Variants in CRIM1 observed in about 807,000 individuals in gnomAD.
CRIM1 encodes cysteine rich transmembrane BMP regulator 1, also known as cysteine-rich motor neuron 1 protein.
A neutral mutation model predicts 116.4 loss-of-function variants in CRIM1; 32 were observed. The observed-to-expected ratio is 0.27, with a 90% CI of 0.21 to 0.37. The LOEUF (loss-of-function observed/expected upper bound fraction) is 0.37. Among genes scored for constraint, CRIM1 ranks in the 10% least tolerant of loss-of-function variants. The pLI is 1.00. For missense variants in CRIM1, 1,331 were observed against 1,354.8 expected (o/e 0.98, Z 0.28); for synonymous variants, 590 against 509.2 (o/e 1.16, Z -2.13).
rs972083266 is a variant in CRIM1 at position 36,550,918 on chromosome 2, A to G, written c.*2217A>G. The G allele has an allele frequency of 6.6e-6, 1 of 152,610 alleles. No homozygotes were observed. The highest frequency in any genetic ancestry group is 1.5e-5 in the Non-Finnish European group (1 of 68,024). 9.5% of individuals were successfully genotyped at this position (152,610 alleles called of 1,614,324 possible). On this transcript the variant is annotated 3_prime_UTR_variant, in exon 17 of 17. Transcript: ENST00000280527. ...ATTTTTTTATTATTATTTTAAAGAT[A>G]TGATTTATCCTGAGTGCTGTATCTA... is the stretch of plus-strand genomic sequence containing the variant.
At chr2:36,530,777 C>T (rs2125150024) in intron 13 of CRIM1, among the ~76,000 whole-genome samples, 1 of 152,252 alleles carries the variant, frequency 6.6e-6, no homozygotes, top group Admixed American at 6.5e-5. Flanking sequence ...CTGTAAATCC[C>T]TCAAACCTCA....
At chr2:36,425,300 T>G (rs1038161035) in intron 2 of CRIM1, among the ~76,000 whole-genome samples, 4 of 152,212 alleles carry the variant, frequency 2.6e-5, no homozygotes, top group African/African-American at 9.6e-5. Context: ...ATATTGATAG[T>G]AAGCCCTCAA....
In CRIM1 at chr2:36,479,451, AT is replaced by A. The variant is rs758690824; in HGVS notation, c.1175-43del. On this transcript the variant is annotated intron_variant, in intron 6 of 16. Coordinates refer to ENST00000280527, the MANE Select transcript of CRIM1 (RefSeq NM_016441.3). ...GTCTCTGGGTACTGACAGAGATAAG[AT>A]TTAGAAGATGCTCAGTCTAACTCTG... is the stretch of plus-strand genomic sequence containing the variant. The A allele has an allele frequency of 1.3e-5, 21 of 1,586,754 alleles. No individual in the cohort carries two copies. In the Admixed American group the frequency reaches 3.5e-4, roughly 26 times the overall value.
In CRIM1 at chr2:36,356,041, G is replaced by GGGA. The variant is rs528109428; in HGVS notation, c.-231_-229dup. 2.7e-3 allele frequency: 417 copies of GGGA among 152,658 alleles called. 2 individuals carry two copies. Among genetic ancestry groups the GGGA allele is most frequent in the African/African-American group, 7.5e-3 (310 of 41,282 alleles). 9.5% of individuals were successfully genotyped at this position (152,658 alleles called of 1,614,324 possible). ...TTTTTCTTTTTTCCCCCTCCCTCCC[G>GGGA]GGAGGAGGAGGAGGAGGAGGAGGGG... is the stretch of plus-strand genomic sequence containing the variant. On this transcript the variant is annotated 5_prime_UTR_variant, in exon 1 of 17. Transcript: ENST00000280527. This position sits in a 1 kb window ranked among gnomAD's most constrained non-coding sequence, Gnocchi z 4.3.
At chr2:36,545,548 T>G (rs1667265451) in intron 15 of CRIM1, among the ~76,000 whole-genome samples, 1 of 152,182 alleles carries the variant, frequency 6.6e-6, no homozygotes, top group African/African-American at 2.4e-5. Flanking sequence ...AATGTATGCT[T>G]CTCCTAGGCA....
At chr2:36,411,720 C>T (rs971601578) in intron 2 of CRIM1, among the ~76,000 whole-genome samples, 23 of 151,412 alleles carry the variant, frequency 1.5e-4, no homozygotes, top group Admixed American at 1.3e-3. Context: ...GTGACAGTGC[C>T]GATAATAGTG....
intron 14 of CRIM1, among the ~76,000 whole-genome samples, chr2:36,538,067 C>T (rs769627458): frequency 1.4e-4 from 22 of 152,260 alleles, no homozygotes; most frequent in Non-Finnish European, 2.5e-4. Context: ...CTGAACTGCC[C>T]ATCTCTTTCC....
chr2:36,429,019 C>A (rs1674669007), intron 2 of CRIM1, among the ~76,000 whole-genome samples: 1 of 152,162 alleles, frequency 6.6e-6, no homozygotes, highest in Non-Finnish European at 1.5e-5. Flanking sequence ...TGCGCCTTCC[C>A]CTTCTACTTT....
intron 1 of CRIM1, among the ~76,000 whole-genome samples, chr2:36,362,404 C>T (rs1373990082): frequency 6.6e-6 from 1 of 152,150 alleles, no homozygotes; most frequent in Non-Finnish European, 1.5e-5. Context: ...CTCCTTAGAG[C>T]CTGTGCAATT....
chr2:36,375,684 A>T (rs913613750), intron 1 of CRIM1, among the ~76,000 whole-genome samples: 1 of 152,208 alleles, frequency 6.6e-6, no homozygotes, highest in East Asian at 1.9e-4. Context: ...AAGAGTACCT[A>T]TTTAGACTTT....
intron 4 of CRIM1, among the ~76,000 whole-genome samples, chr2:36,458,475 G>A (rs1332671311): frequency 1.3e-5 from 2 of 152,130 alleles, no homozygotes; most frequent in East Asian, 1.9e-4. Flanking sequence ...GTTATGTAGG[G>A]TCTGAAACAT....
At chr2:36,515,812 A>G (rs884215) in intron 11 of CRIM1, among the ~76,000 whole-genome samples, 55,737 of 152,136 alleles carry the variant, frequency 0.37, 10,709 homozygotes, top group East Asian at 0.55. Context: ...TCAGCATTTA[A>G]CAAGGCAGTA....
At chr2:36,360,621 C>G (rs1311709338) in intron 1 of CRIM1, among the ~76,000 whole-genome samples, 1 of 152,026 alleles carries the variant, frequency 6.6e-6, no homozygotes, top group Non-Finnish European at 1.5e-5. Flanking sequence ...TTTGCTTATC[C>G]CTGGAAGACA....
At position 36,356,912 on chromosome 2, in the gene CRIM1, G is replaced by C. The variant is rs1157256122; in HGVS notation, c.331+289G>C. On this transcript the variant is annotated intron_variant, in intron 1 of 16. Transcript: ENST00000280527. The surrounding 1 kb of genome is among the most constrained non-coding windows in gnomAD (Gnocchi z 4.3). ...GCGCACACGTGTGGCCGTTCCTGCT[G>C]GGACTGGGTGGCCCGGCCTTGCTCC... Among the ~76,000 whole-genome samples the C allele has an allele frequency of 6.6e-6, 1 of 152,126 alleles. No homozygotes were observed. The highest frequency in any genetic ancestry group is 1.5e-5 in the Non-Finnish European group (1 of 68,024).
chr2:36,357,588 C>T (rs908120825), intron 1 of CRIM1, among the ~76,000 whole-genome samples: 2 of 152,126 alleles, frequency 1.3e-5, no homozygotes, highest in Non-Finnish European at 2.9e-5. Context: ...GGTTTGGGGT[C>T]TAGAGCGAGG....
intron 5 of CRIM1, among the ~76,000 whole-genome samples, chr2:36,471,865 A>T (rs848554): frequency 6.6e-6 from 1 of 151,994 alleles, no homozygotes. Flanking sequence ...CAGTGTAAAC[A>T]TAACTTTTAA....
intron 14 of CRIM1, among the ~76,000 whole-genome samples, chr2:36,541,162 A>G (rs1666916595): frequency 1.3e-5 from 2 of 151,810 alleles, no homozygotes; most frequent in Admixed American, 1.3e-4. Flanking sequence ...CTTAGTCAAG[A>G]CTCACCACCA....
chr2:36,431,922 C>T (rs1341883256), intron 2 of CRIM1, among the ~76,000 whole-genome samples: 1 of 152,166 alleles, frequency 6.6e-6, no homozygotes. Flanking sequence ...ACCAAGTTAC[C>T]GTGTCCCTTC....
intron 13 of CRIM1, among the ~76,000 whole-genome samples, chr2:36,525,934 T>C (rs1384407732): frequency 6.6e-6 from 1 of 152,232 alleles, no homozygotes; most frequent in Non-Finnish European, 1.5e-5. Context: ...TTGTGTCAAA[T>C]TGTCAAGTCA....
Sources: allele counts gnomAD v4.1 joint callset (sites outside exome capture counted in the v4.1 genomes callset), GRCh38; gene constraint gnomAD v4.1.1; non-coding constraint Gnocchi (gnomAD v3.1); transcripts MANE v1.5; gene names NCBI Gene and HGNC (gene_info 2026-07-23, HGNC 2026-07-21).